The following TOP2B variants were observed in gnomAD, a reference collection of about 807,000 sequenced individuals.
TOP2B encodes DNA topoisomerase II beta.
Under a neutral mutation model 193.5 loss-of-function variants are expected in TOP2B, and 51 were observed. The ratio of observed to expected loss-of-function variants is 0.26; its 90% CI spans 0.21 to 0.33. The LOEUF (loss-of-function observed/expected upper bound fraction) is 0.33. Ranked by LOEUF, TOP2B falls within the 10% of genes least tolerant of loss-of-function variation. The pLI, the probability that TOP2B is intolerant of heterozygous loss-of-function variation, is 1.00. For missense variants in TOP2B, 1,378 were observed against 1,909.3 expected (o/e 0.72, Z 5.19); for synonymous variants, 634 against 635.7 (o/e 1.00, Z 0.04).
In TOP2B at chr3:25,664,308, T is replaced by C. The variant is rs566551318; in HGVS notation, c.-11A>G. 2.1e-5 allele frequency: 32 copies of C among 1,524,728 alleles called. No homozygotes were observed. The African/African-American group carries it at 3.8e-4, about 18-fold the overall frequency. The allele number at this position is 1,524,728 out of a possible 1,614,324, so 94.4% of individuals were successfully genotyped here. On this transcript the variant is annotated 5_prime_UTR_variant, in exon 1 of 36. Transcript: ENST00000264331. ...ACCCGACTTGGCCATGGCGAGTGCC[T>C]CCAGCTCACAGGCCCTGAGGCCGCA... is the stretch of plus-strand genomic sequence containing the variant.
chr3:25,630,610 T>C, intron 11 of TOP2B, 141 bp from the exon 12 acceptor site: 1 of 840,478 alleles, frequency 1.2e-6, no homozygotes, highest in African/African-American at 1.7e-5. Context: ...AGTATAAATA[T>C]TAAGTATATT....
chr3:25,627,711 A>G (rs1254145345), intron 15 of TOP2B, among the ~76,000 whole-genome samples: 1 of 152,206 alleles, frequency 6.6e-6, no homozygotes, highest in African/African-American at 2.4e-5. Flanking sequence ...GAAATGCTAT[A>G]TTAATAAACT....
intron 25 of TOP2B, 38 bp from the exon 26 acceptor site, chr3:25,615,624 T>TACA: frequency 7.3e-7 from 1 of 1,376,768 alleles, no homozygotes; most frequent in Non-Finnish European, 9.5e-7. Context: ...AAGTCTTGTA[T>TACA]AGTATCAAAT....
At position 25,635,978 on chromosome 3, in the gene TOP2B, C is replaced by G; in HGVS notation, c.810G>C (p.Ser270=). The change falls in exon 7 of 36, where the codon TCG becomes TCC. Residue 270 remains serine, a synonymous_variant. Coordinates refer to ENST00000264331, the MANE Select transcript of TOP2B (RefSeq NM_001330700.2). ...TAAACATGACCTTGACCCCTCTACACGAACCAGCCAAATCATATGCCCTTC... is the reference window on the plus strand; with the variant it reads ...TAAACATGACCTTGACCCCTCTACAGGAACCAGCCAAATCATATGCCCTTC... ...MTRRAYDLAG[S]CRGVKVMFNG... The G allele has an allele frequency of 6.2e-7, 1 of 1,613,328 alleles. No individual in the cohort carries two copies. Among genetic ancestry groups the G allele is most frequent in the Non-Finnish European group, 8.5e-7 (1 of 1,179,422 alleles).
At position 25,645,413 on chromosome 3, in the gene TOP2B, T is replaced by C. The variant is rs746084958; in HGVS notation, c.127A>G (p.Asn43Asp). 28 of 1,613,744 alleles carry C rather than the reference T, an allele frequency of 1.7e-5. No homozygotes were observed. The highest frequency in any genetic ancestry group is 2.4e-5 in the Non-Finnish European group (28 of 1,179,844). The change falls in exon 2 of 36, where the codon AAT becomes GAT. Residue 43 changes from asparagine (N) to aspartate (D), a missense_variant. Transcript: ENST00000264331. ...KKEESETANK[N>D]DSSKKLSVER... ...ACAGACAACTTCTTTGAAGAATCAT[T>C]TTTGTTGGCAGTTTCTGACTCTTCT...
chr3:25,645,467 G>T lies in TOP2B; in HGVS notation c.73C>A (p.Leu25Ile). 1 of 1,602,800 alleles carries T rather than the reference G, an allele frequency of 6.2e-7. No individual in the cohort carries two copies. Among genetic ancestry groups the T allele is most frequent in the Non-Finnish European group, 8.5e-7 (1 of 1,175,106 alleles). ...TTTGCAGCATTGTTCTGATCAAAAA[G>T]AGTCTAAAATTAACCAAAAAATCAA... is the stretch of plus-strand genomic sequence containing the variant. ...GGNGALTWVT[L>I]FDQNNAAKKE... The change falls in exon 2 of 36, where the codon CTT becomes ATT. Residue 25 changes from leucine (L) to isoleucine (I), a missense_variant. Around this residue, in one of 9 missense-constraint regions of TOP2B, gnomAD observed 83 missense variants for 59.3 expected, o/e 1.40. Transcript: ENST00000264331.
chr3:25,623,775 A>G (rs1162153421), intron 20 of TOP2B, 29 bp from the exon 21 acceptor site: 6 of 1,462,982 alleles, frequency 4.1e-6, no homozygotes, highest in Admixed American at 1.9e-5. Flanking sequence ...AGCAAATGAA[A>G]AAATGTCATG....
chr3:25,611,681 G>A lies in TOP2B; in HGVS notation c.3786+834C>T, dbSNP rs1426358565. 5.3e-5 allele frequency among the ~76,000 whole-genome samples: 8 copies of A among 151,812 alleles called. No individual in the cohort carries two copies. The South Asian group carries it at 1.5e-3, about 28-fold the overall frequency. On this transcript the variant is annotated intron_variant, in intron 28 of 35. Coordinates refer to ENST00000264331, the MANE Select transcript of TOP2B (RefSeq NM_001330700.2). Reference sequence around the variant, plus strand: ...CAATCCTGCTTGAGGTTAGGTCAACGCCATTTTTTTTTTTAATCCTCAATA... The same window carrying A: ...CAATCCTGCTTGAGGTTAGGTCAACACCATTTTTTTTTTTAATCCTCAATA...
At chr3:25,636,249 AT>A in intron 6 of TOP2B, 101 bp from the exon 7 acceptor site, 1 of 752,788 alleles carries the variant, frequency 1.3e-6, no homozygotes, top group Non-Finnish European at 2.1e-6. Context: ...AACTATATCA[AT>A]TTTACAACTT....
intron 1 of TOP2B, 151 bp downstream of exon 1, chr3:25,664,078 G>A: frequency 2.6e-6 from 3 of 1,135,132 alleles, no homozygotes; most frequent in Non-Finnish European, 3.7e-6. Context: ...CGGGGAGCGG[G>A]CTGGAGGATT....
intron 1 of TOP2B, among the ~76,000 whole-genome samples, chr3:25,655,255 A>G (rs570882461): frequency 6.6e-6 from 1 of 152,370 alleles, no homozygotes; most frequent in African/African-American, 2.4e-5. Context: ...TCTCCAAATA[A>G]GATATGCAAA....
chr3:25,630,141 G>A lies in TOP2B; in HGVS notation c.1577C>T (p.Ala526Val). The change falls in exon 13 of 36, where the codon GCT becomes GTT. Residue 526 changes from alanine to valine, a missense_variant. By Grantham distance (64) the Ala-to-Val change is moderately conservative. This residue lies in a region of TOP2B where 66 missense variants were observed against 153.3 expected (regional missense o/e 0.43). Coordinates refer to ENST00000264331, the MANE Select transcript of TOP2B (RefSeq NM_001330700.2). ...TATTTTAATAATATTATTTATTTCA[G>A]CATTTTCCATGATCTGTTCAAAAAG... ...EASHKQIMENAEINNIIKIVG... is the reference protein window; with the variant it reads ...EASHKQIMENVEINNIIKIVG... 1 of 1,552,968 alleles carries A rather than the reference G, an allele frequency of 6.4e-7. No individual in the cohort carries two copies.
At chr3:25,659,484 G>A (rs993058176) in intron 1 of TOP2B, among the ~76,000 whole-genome samples, 2 of 152,170 alleles carry the variant, frequency 1.3e-5, no homozygotes, top group Non-Finnish European at 2.9e-5. Flanking sequence ...CAAGCACTAC[G>A]ATAATCTTAA....
chr3:25,606,174 T>A, intron 31 of TOP2B, 52 bp from the exon 32 acceptor site: 1 of 839,610 alleles, frequency 1.2e-6, no homozygotes, highest in Admixed American at 3.0e-5. Context: ...ATATCTGATT[T>A]CAATCCTGAT....
At chr3:25,625,532 T>TTTTGTTG in intron 18 of TOP2B, among the ~76,000 whole-genome samples, 1 of 151,668 alleles carries the variant, frequency 6.6e-6, no homozygotes, top group South Asian at 2.1e-4. Context: ...TCATGAGGTT[T>TTTTGTTG]TTTGTTTGTT....
chr3:25,606,286 T>C (rs1430856644), intron 31 of TOP2B, among the ~76,000 whole-genome samples, 164 bp from the exon 32 acceptor site: 1 of 152,104 alleles, frequency 6.6e-6, no homozygotes, highest in Non-Finnish European at 1.5e-5. Context: ...TAAAACTCTT[T>C]CTCTCTTATG....
intron 5 of TOP2B, 117 bp from the exon 6 acceptor site, chr3:25,637,429 C>A: frequency 1.5e-6 from 1 of 645,646 alleles, no homozygotes. Context: ...CATTACCAAT[C>A]ACCAATTGAA....
chr3:25,633,487 C>T (rs755137601), intron 8 of TOP2B, among the ~76,000 whole-genome samples: 19 of 152,208 alleles, frequency 1.2e-4, no homozygotes, highest in Non-Finnish European at 2.6e-4. Context: ...AGCTTTATCA[C>T]ATAGCCATAA....
At chr3:25,600,742 A>G (rs892950018) in intron 34 of TOP2B, among the ~76,000 whole-genome samples, 1 of 152,234 alleles carries the variant, frequency 6.6e-6, no homozygotes, top group African/African-American at 2.4e-5. Flanking sequence ...CTAGCCTAAG[A>G]GTCCTGGATC....
Sources: gnomAD v4.1 joint callset for allele counts (sites outside exome capture counted in the v4.1 genomes callset) on GRCh38, gnomAD v4.1.1 for gene constraint, gnomAD v4.1.1 regional missense constraint, MANE v1.5 for transcripts, NCBI Gene and HGNC (gene_info 2026-07-23, HGNC 2026-07-21) for gene names.